Variants in KIAA1549L observed in about 807,000 individuals in gnomAD.
KIAA1549L encodes the protein KIAA1549 like, also known as UPF0606 protein KIAA1549L.
In KIAA1549L, 88 loss-of-function variants were observed where a neutral mutation model predicts 160.7. The observed-to-expected ratio is 0.55, with a 90% CI of 0.46 to 0.65. The LOEUF is 0.65. Ranked by LOEUF, KIAA1549L falls within the 30% of genes least tolerant of loss-of-function variation. The pLI, the probability that KIAA1549L is intolerant of heterozygous loss-of-function variation, is 0.00. For missense variants in KIAA1549L, 2,258 were observed against 2,437.5 expected (o/e 0.93, Z 1.55); for synonymous variants, 950 against 976.7 (o/e 0.97, Z 0.51).
chr11:33,655,838 G>A (rs1852044981), intron 17 of KIAA1549L, among the ~76,000 whole-genome samples, 174 bp from the exon 18 acceptor site: 1 of 152,190 alleles, frequency 6.6e-6, no homozygotes, highest in African/African-American at 2.4e-5. Flanking sequence ...GTGGTGGGAG[G>A]TGCAGTAGAA....
chr11:33,498,437 G>A (rs1852869634), intron 1 of KIAA1549L, among the ~76,000 whole-genome samples: 2 of 152,180 alleles, frequency 1.3e-5, no homozygotes, highest in African/African-American at 4.8e-5. Context: ...ACAGGGCACA[G>A]GGGAGATGGC....
At chr11:33,459,385 C>T (rs1240731873) in intron 1 of KIAA1549L, among the ~76,000 whole-genome samples, 1 of 152,170 alleles carries the variant, frequency 6.6e-6, no homozygotes, top group African/African-American at 2.4e-5. Context: ...AATGATTGCA[C>T]ATGTGGATCC....
intron 1 of KIAA1549L, among the ~76,000 whole-genome samples, chr11:33,467,363 A>G (rs1193883298): frequency 3.3e-5 from 5 of 152,228 alleles, no homozygotes; most frequent in Admixed American, 3.3e-4. Context: ...AAGCACACAC[A>G]TACTAATGAA....
chr11:33,605,655 A>G (rs1468469356), intron 13 of KIAA1549L, among the ~76,000 whole-genome samples: 1 of 152,218 alleles, frequency 6.6e-6, no homozygotes, highest in Non-Finnish European at 1.5e-5. Context: ...TCAATAATTT[A>G]AATAACATCC....
chr11:33,439,969 A>C (rs982808997), intron 1 of KIAA1549L, among the ~76,000 whole-genome samples: 1 of 151,970 alleles, frequency 6.6e-6, no homozygotes, highest in Non-Finnish European at 1.5e-5. Flanking sequence ...TGGAACATTT[A>C]GTCTATTTAC....
intron 1 of KIAA1549L, among the ~76,000 whole-genome samples, chr11:33,394,825 G>A (rs1472042937): frequency 6.6e-6 from 1 of 152,236 alleles, no homozygotes; most frequent in Non-Finnish European, 1.5e-5. Flanking sequence ...TTGTGGCTTT[G>A]CCATATTCAG....
chr11:33,590,536 C>T (rs1431375510), intron 11 of KIAA1549L, among the ~76,000 whole-genome samples: 1 of 152,194 alleles, frequency 6.6e-6, no homozygotes, highest in Admixed American at 6.5e-5. Flanking sequence ...AGATGCTGTG[C>T]AATAAAACTT....
intron 9 of KIAA1549L, among the ~76,000 whole-genome samples, chr11:33,568,470 A>T (rs1180877804): frequency 6.6e-6 from 1 of 152,202 alleles, no homozygotes; most frequent in Non-Finnish European, 1.5e-5. Flanking sequence ...AACACAAGGA[A>T]GTCTCGGTAC....
Position 33,489,625 on chromosome 11 carries a change from A to T in KIAA1549L, c.239-52177A>T, listed in dbSNP as rs1417893339. 3.3e-5 allele frequency among the ~76,000 whole-genome samples: 5 copies of T among 152,226 alleles called. No homozygotes were observed. The East Asian group carries it at 9.6e-4, about 29-fold the overall frequency. ...ATGGAGATGCTGCCATCTTCATCCCATGGTTTCCAAAGGCACCCTGGACAT... is the reference window on the plus strand; with the variant it reads ...ATGGAGATGCTGCCATCTTCATCCCTTGGTTTCCAAAGGCACCCTGGACAT... On this transcript the variant is annotated intron_variant, in intron 1 of 20. Transcript: ENST00000658780.
chr11:33,602,257 T>C (rs1458650459), intron 13 of KIAA1549L, among the ~76,000 whole-genome samples: 1 of 152,128 alleles, frequency 6.6e-6, no homozygotes, highest in South Asian at 2.1e-4. Flanking sequence ...GTTTAGAGGA[T>C]GAATTACTAA....
intron 6 of KIAA1549L, among the ~76,000 whole-genome samples, chr11:33,554,035 C>T (rs987180065): frequency 2.0e-5 from 3 of 152,110 alleles, no homozygotes; most frequent in African/African-American, 7.2e-5. Context: ...TTTTTATTAA[C>T]CCTGTTTCCA....
chr11:33,495,367 A>C (rs1852791723), intron 1 of KIAA1549L, among the ~76,000 whole-genome samples: 1 of 151,452 alleles, frequency 6.6e-6, no homozygotes, highest in African/African-American at 2.4e-5. Context: ...ATGAGTGAGA[A>C]TATGCGGTGT....
At chr11:33,560,886 A>G (rs1854834159) in intron 7 of KIAA1549L, among the ~76,000 whole-genome samples, 1 of 152,212 alleles carries the variant, frequency 6.6e-6, no homozygotes, top group African/African-American at 2.4e-5. Context: ...TCCACATAAT[A>G]AGGAAAGATG....
At chr11:33,536,183 TACA>T (rs1853888848) in intron 1 of KIAA1549L, among the ~76,000 whole-genome samples, 1 of 152,352 alleles carries the variant, frequency 6.6e-6, no homozygotes, top group Middle Eastern at 3.4e-3. Flanking sequence ...ATTATTACAG[TACA>T]ACAAGCCACC....
intron 15 of KIAA1549L, among the ~76,000 whole-genome samples, chr11:33,614,287 C>T (rs1193590382): frequency 6.6e-6 from 1 of 151,732 alleles, no homozygotes; most frequent in Non-Finnish European, 1.5e-5. Context: ...CACTGGCAGA[C>T]ATGCCTTTCA....
intron 1 of KIAA1549L, among the ~76,000 whole-genome samples, chr11:33,395,029 G>A (rs1388602068): frequency 2.0e-5 from 3 of 152,226 alleles, no homozygotes; most frequent in Non-Finnish European, 2.9e-5. Context: ...GAGGTAACAG[G>A]TTTGGCGAAC....
At chr11:33,523,803 A>G (rs1481231691) in intron 1 of KIAA1549L, among the ~76,000 whole-genome samples, 1 of 152,356 alleles carries the variant, frequency 6.6e-6, no homozygotes, top group East Asian at 1.9e-4. Context: ...AATTTATTAA[A>G]TGTACACACA....
chr11:33,563,832 T>C (rs1219071228), intron 8 of KIAA1549L, among the ~76,000 whole-genome samples: 1 of 152,204 alleles, frequency 6.6e-6, no homozygotes, highest in East Asian at 1.9e-4. Flanking sequence ...CTCCCTTCTA[T>C]TAACTTTAAG....
intron 1 of KIAA1549L, among the ~76,000 whole-genome samples, chr11:33,427,978 A>G (rs1404927724): frequency 6.6e-6 from 1 of 152,214 alleles, no homozygotes; most frequent in African/African-American, 2.4e-5. Context: ...GTAATGTTTC[A>G]TTGTATGTAT....
Sources: gnomAD v4.1 joint callset for allele counts (sites outside exome capture counted in the v4.1 genomes callset) on GRCh38, gnomAD v4.1.1 for gene constraint, MANE v1.5 for transcripts, NCBI Gene and HGNC (gene_info 2026-07-23, HGNC 2026-07-21) for gene names.